WNK3: variants seen among roughly 807,000 people sequenced by gnomAD.
The protein encoded by WNK3 is WNK lysine deficient protein kinase 3, also known as serine/threonine-protein kinase WNK3.
In WNK3, 18 loss-of-function variants were observed where a neutral mutation model predicts 116.7. The observed-to-expected ratio is 0.15, with a 90% confidence interval of 0.11 to 0.23. WNK3 has a LOEUF of 0.23. WNK3 is among the 10% of genes least tolerant of loss of function. The probability of loss-of-function intolerance (pLI) is 1.00; values close to 1 mark genes in which losing one functional copy is unlikely to be tolerated. For missense variants in WNK3, 993 were observed against 1,323.8 expected (o/e 0.75, Z 3.88); for synonymous variants, 404 against 469.4 (o/e 0.86, Z 1.80).
intron 22 of WNK3, among the ~76,000 whole-genome samples, chrX:54,222,227 C>A (rs1280676631): frequency 9.1e-6 from 1 of 110,303 alleles, no homozygotes; most frequent in East Asian, 2.9e-4. Context: ...ATTGTGGCTA[C>A]CACAAGAAAA....
intron 22 of WNK3, among the ~76,000 whole-genome samples, chrX:54,205,271 A>AAC (rs1569534994): frequency 0.11 from 8,090 of 76,638 alleles, 327 homozygotes; most frequent in Non-Finnish European, 0.12. Context: ...AACCAACCAA[A>AAC]CAAACAAACA....
chrX:54,246,533 T>C (rs1298570311), intron 17 of WNK3, among the ~76,000 whole-genome samples: 1 of 111,257 alleles, frequency 9.0e-6, no homozygotes, highest in Non-Finnish European at 1.9e-5. Flanking sequence ...TGAAAATAGT[T>C]ACCGGAGCTG....
chrX:54,196,645 G>A lies in WNK3; in HGVS notation c.*1679C>T, dbSNP rs782026778. ...ATTAGAAATGACCTTAAAGTCTTCA[G>A]AGTGGAAGGTAAGTAATTTGAACAT... On this transcript the variant is annotated 3_prime_UTR_variant, in exon 24 of 24. Transcript: ENST00000354646. 2 of 111,814 alleles carry A rather than the reference G, an allele frequency of 1.8e-5. 1 individual carries two copies. Among genetic ancestry groups the A allele is most frequent in the South Asian group, 7.5e-4 (2 of 2,668 alleles). The allele number at this position is 111,814 out of a possible 1,213,427, so 9.2% of individuals were successfully genotyped here.
chrX:54,272,563 G>A (rs1557159616), intron 10 of WNK3, among the ~76,000 whole-genome samples: 1 of 112,120 alleles, frequency 8.9e-6, no homozygotes, highest in African/African-American at 3.2e-5. Flanking sequence ...CCAGAATACA[G>A]GTGTGGAGTG....
At chrX:54,230,356 GAACA>G (rs1337558194) in intron 21 of WNK3, among the ~76,000 whole-genome samples, 3 of 110,663 alleles carry the variant, frequency 2.7e-5, no homozygotes, top group East Asian at 5.6e-4. Flanking sequence ...CAAAAAACTT[GAACA>G]AACACTTTAC....
At chrX:54,278,664 G>A (rs1459996988) in intron 10 of WNK3, among the ~76,000 whole-genome samples, 12 of 111,366 alleles carry the variant, frequency 1.1e-4, no homozygotes, top group African/African-American at 3.9e-4. Flanking sequence ...ATGATGCTAT[G>A]GCAATTAAAC....
At chrX:54,327,747 C>T (rs187555273) in intron 2 of WNK3, among the ~76,000 whole-genome samples, 16 of 109,113 alleles carry the variant, frequency 1.5e-4, no homozygotes, top group Admixed American at 5.9e-4. Context: ...TTTGGGAGGC[C>T]GAGACGGGCA....
chrX:54,232,855 G>A (rs1557149298), exon 21 of WNK3: 1 of 1,211,498 alleles, frequency 8.3e-7, no homozygotes, highest in Non-Finnish European at 1.1e-6. Context: ...ACTGGGGGCG[G>A]CTTCGAAGTT....
intron 6 of WNK3, among the ~76,000 whole-genome samples, chrX:54,300,713 C>A (rs959904861): frequency 8.9e-6 from 1 of 111,733 alleles, no homozygotes; most frequent in Non-Finnish European, 1.9e-5. Context: ...GTGTTTTTAG[C>A]TTCATTTTTA....
intron 11 of WNK3, among the ~76,000 whole-genome samples, chrX:54,256,158 T>C (rs1274833665): frequency 6.3e-5 from 7 of 111,823 alleles, no homozygotes; most frequent in African/African-American, 2.3e-4. Flanking sequence ...ATTTAGCATT[T>C]AGCAAACCAT....
chrX:54,356,578 G>A (rs1342583619), intron 1 of WNK3, among the ~76,000 whole-genome samples: 5 of 111,529 alleles, frequency 4.5e-5, no homozygotes, highest in African/African-American at 1.3e-4. Flanking sequence ...GATAGAGACC[G>A]TCTTAAAAGA....
chrX:54,287,042 T>C (rs186906638), intron 10 of WNK3, among the ~76,000 whole-genome samples: 2 of 111,217 alleles, frequency 1.8e-5, no homozygotes, highest in East Asian at 5.6e-4. Context: ...AATGATTGAA[T>C]ATGCTGGGTT....
intron 2 of WNK3, among the ~76,000 whole-genome samples, chrX:54,313,720 T>G (rs1208821609): frequency 9.0e-6 from 1 of 111,690 alleles, no homozygotes; most frequent in African/African-American, 3.3e-5. Context: ...TACATGAAAT[T>G]TCCCACTACA....
chrX:54,334,338 C>T (rs2069207406), intron 1 of WNK3, among the ~76,000 whole-genome samples: 1 of 111,670 alleles, frequency 9.0e-6, no homozygotes, highest in African/African-American at 3.2e-5. Flanking sequence ...TTAATCATCC[C>T]AAATTGAAAC....
rs982508228 is a variant in WNK3, at chrX:54,251,566, A to C, written c.2489T>G (p.Val830Gly). The C allele has an allele frequency of 3.3e-6, 4 of 1,208,782 alleles. No homozygotes were observed. The South Asian group carries it at 7.1e-5, about 21-fold the overall frequency. The change falls in exon 14 of 24, where the codon GTT becomes GGT. Residue 830 changes from valine to glycine, a missense_variant. Physicochemically the swap from Val to Gly is moderately radical, Grantham distance 109 (BLOSUM62 -3). Around this residue, in one of 4 missense-constraint regions of WNK3, gnomAD observed 836 missense variants for 976.5 expected, o/e 0.86. Transcript: ENST00000354646. ...GTTGGAGTCCACAGTAATAGAATCAACTCCAGTGGCTCTTTCTGTGGCAAA... is the reference window on the plus strand; with the variant it reads ...GTTGGAGTCCACAGTAATAGAATCACCTCCAGTGGCTCTTTCTGTGGCAAA...
At chrX:54,355,366 T>G (rs987844594) in intron 1 of WNK3, among the ~76,000 whole-genome samples, 5 of 111,277 alleles carry the variant, frequency 4.5e-5, no homozygotes, top group Non-Finnish European at 9.4e-5. Flanking sequence ...CTTCATTTCT[T>G]TTTCAGATAG....
chrX:54,354,964 A>C (rs1440206758), intron 1 of WNK3, among the ~76,000 whole-genome samples: 2 of 110,625 alleles, frequency 1.8e-5, no homozygotes, highest in Non-Finnish European at 3.8e-5. Context: ...CGTGCCTGTA[A>C]TCCCAGCTAC....
At chrX:54,214,172 G>A (rs1320061854) in intron 22 of WNK3, among the ~76,000 whole-genome samples, 3 of 110,320 alleles carry the variant, frequency 2.7e-5, no homozygotes, top group Non-Finnish European at 3.8e-5. Flanking sequence ...TAGTAGACAC[G>A]GGGTTTTGCC....
intron 10 of WNK3, among the ~76,000 whole-genome samples, chrX:54,268,080 G>GCACACACACACACACA (rs57010526): frequency 2.5e-5 from 2 of 80,792 alleles, no homozygotes; most frequent in African/African-American, 9.3e-5. Flanking sequence ...CTGAATGCGT[G>GCACACACACACACACA]CACACACACA....
Sources: allele counts gnomAD v4.1 joint callset (sites outside exome capture counted in the v4.1 genomes callset), GRCh38; gene constraint gnomAD v4.1.1; regional missense constraint gnomAD v4.1.1; transcripts MANE v1.5; gene names NCBI Gene and HGNC (gene_info 2026-07-23, HGNC 2026-07-21).